Variants in ZPBP2 observed in about 807,000 individuals in gnomAD.
The protein encoded by ZPBP2 is zona pellucida binding protein 2.
Under a neutral mutation model 37.5 loss-of-function variants are expected in ZPBP2, and 34 were observed. That is an observed-to-expected ratio of 0.91 (90% CI 0.69 to 1.21). ZPBP2 has a LOEUF of 1.21. Ranked by LOEUF, ZPBP2 falls within the 50% of genes most tolerant of loss-of-function variation. The pLI is 0.00. For synonymous variants in ZPBP2, 143 were observed against 138.4 expected, an observed-to-expected ratio of 1.03 and a Z score of -0.23; for missense variants, 397 against 413.5, an observed-to-expected ratio of 0.96 and a Z score of 0.35.
At chr17:39,876,548 T>C in intron 7 of ZPBP2, 134 bp from the exon 8 acceptor site, 1 of 919,732 alleles carries the variant, frequency 1.1e-6, no homozygotes. Flanking sequence ...GGCTGAACAT[T>C]ACCTGGTATA....
intron 6 of ZPBP2, 22 bp from the exon 7 acceptor site, chr17:39,875,232 C>T: frequency 1.2e-6 from 2 of 1,600,486 alleles, no homozygotes; most frequent in Non-Finnish European, 1.7e-6. Context: ...TTGTACCTTT[C>T]TCTGGTATTT....
At position 39,868,400 on chromosome 17, in the gene ZPBP2, A is replaced by T. The variant is rs1386218553; in HGVS notation, c.46A>T (p.Thr16Ser). 3.1e-6 allele frequency: 5 copies of T among 1,610,768 alleles called. No individual in the cohort carries two copies. Among genetic ancestry groups the T allele is most frequent in the Non-Finnish European group, 3.4e-6 (4 of 1,179,936 alleles). Residue 16 changes from threonine (T) to serine (S), a missense_variant, in exon 1 of 8, where the codon ACA (threonine) becomes TCA (serine). By Grantham distance (58) the Thr-to-Ser change is moderately conservative (BLOSUM62 1). Coordinates refer to ENST00000348931, the MANE Select transcript of ZPBP2 (RefSeq NM_199321.3). ...VLLSAVLWCLTGVQCPRFTLF... is the reference protein window; with the variant it reads ...VLLSAVLWCLSGVQCPRFTLF... ...ACTCTCCGCGGTGCTCTGGTGCCTC[A>T]CAGGAGGTGGGGCTCCCTCCACCCG...
At chr17:39,872,788 TAGTAAA>T (rs2063371302) in intron 5 of ZPBP2, among the ~76,000 whole-genome samples, 1 of 152,240 alleles carries the variant, frequency 6.6e-6, no homozygotes, top group African/African-American at 2.4e-5. Context: ...TTTGAAAACT[TAGTAAA>T]AGTGAATAAT....
At chr17:39,869,801 C>T (rs1183778328) in intron 2 of ZPBP2, among the ~76,000 whole-genome samples, 4 of 148,168 alleles carry the variant, frequency 2.7e-5, no homozygotes, top group Non-Finnish European at 6.0e-5. Flanking sequence ...CAACCTCCGC[C>T]TCCTGGATTC....
At chr17:39,874,326 T>C (rs1373370282) in intron 6 of ZPBP2, among the ~76,000 whole-genome samples, 1 of 151,612 alleles carries the variant, frequency 6.6e-6, no homozygotes, top group Non-Finnish European at 1.5e-5. Flanking sequence ...TGCTTGGCTC[T>C]TTTTCTTTGA....
At chr17:39,868,495 C>T in intron 1 of ZPBP2, 54 bp from the exon 2 acceptor site, 1 of 1,613,802 alleles carries the variant, frequency 6.2e-7, no homozygotes, top group Non-Finnish European at 8.5e-7. Flanking sequence ...CCCTGCCCGA[C>T]TCTGAACCCT....
intron 2 of ZPBP2, among the ~76,000 whole-genome samples, chr17:39,869,483 G>T (rs2063351947): frequency 6.9e-6 from 1 of 145,572 alleles, no homozygotes; most frequent in African/African-American, 2.6e-5. Context: ...TGGCTCACTG[G>T]AACCTCCGCC....
rs755081261 is a variant in ZPBP2 at position 39,875,403 on chromosome 17, A to G, written c.858A>G (p.Glu286=). ...GTCGACCAGGCTTTGGAAAAAATGA[A>G]CGTCTACACAGTAATTGCGCTAGCT... The part of the protein sequence containing the change: ...DSCRPGFGKN[E]RLHSNCASCC... The change falls in exon 7 of 8, where the codon GAA becomes GAG. Residue 286 remains glutamate (E), a synonymous_variant. Coordinates refer to ENST00000348931, the MANE Select transcript of ZPBP2 (RefSeq NM_199321.3). 2.5e-6 allele frequency: 4 copies of G among 1,612,598 alleles called. No homozygotes were observed. The highest frequency in any genetic ancestry group is 2.5e-6 in the Non-Finnish European group (3 of 1,179,586).
At chr17:39,875,918 A>C (rs1183911966) in intron 7 of ZPBP2, among the ~76,000 whole-genome samples, 1 of 55,190 alleles carries the variant, frequency 1.8e-5, no homozygotes, top group Non-Finnish European at 3.5e-5. Flanking sequence ...TTTTTTTGAG[A>C]TGGAGTCTGG....
intron 4 of ZPBP2, 79 bp from the exon 5 acceptor site, chr17:39,872,191 G>A (rs887408859): frequency 1.8e-6 from 2 of 1,086,648 alleles, no homozygotes; most frequent in African/African-American, 3.2e-5. Context: ...GTATTACATA[G>A]TATTTGAAAA....
Position 39,870,737 on chromosome 17 carries a change from C to T in ZPBP2, c.162C>T (p.Ile54=). The change falls in exon 3 of 8, where the codon ATC becomes ATT. Residue 54 remains isoleucine (I), a synonymous_variant. Coordinates refer to ENST00000348931, the MANE Select transcript of ZPBP2 (RefSeq NM_199321.3). ...VELHQNSPVL[I]CMDFKLSKKE... ...TACATCAAAATAGTCCAGTCCTTAT[C>T]TGTATGGATTTTAAGCTTTCTAAAA... The T allele has an allele frequency of 1.3e-6, 2 of 1,554,418 alleles. No homozygotes were observed. Among genetic ancestry groups the T allele is most frequent in the Non-Finnish European group, 1.8e-6 (2 of 1,138,960 alleles).
At position 39,872,411 on chromosome 17, in the gene ZPBP2, T is replaced by C. The variant is rs1395189877; in HGVS notation, c.548T>C (p.Ile183Thr). ...ATTTCTGATTTGTCATGCCATGTCATAGAGCCATCATATAAATGCCATTCT... is the reference window on the plus strand; with the variant it reads ...ATTTCTGATTTGTCATGCCATGTCACAGAGCCATCATATAAATGCCATTCT... ...SLISDLSCHVIEPSYKCHSVE... is the reference protein window; with the variant it reads ...SLISDLSCHVTEPSYKCHSVE... The change falls in exon 5 of 8, where the codon ATA (isoleucine) becomes ACA (threonine). Residue 183 changes from isoleucine (I) to threonine (T), a missense_variant. By Grantham distance (89) the Ile-to-Thr change is moderately conservative (BLOSUM62 -1). Coordinates refer to ENST00000348931, the MANE Select transcript of ZPBP2 (RefSeq NM_199321.3). The C allele has an allele frequency of 6.2e-7, 1 of 1,613,572 alleles. No individual in the cohort carries two copies. Among genetic ancestry groups the C allele is most frequent in the South Asian group, 1.1e-5 (1 of 91,060 alleles).
chr17:39,877,646 T>A lies in ZPBP2; in HGVS notation c.*837T>A, dbSNP rs367573746. On this transcript the variant is annotated 3_prime_UTR_variant, in exon 8 of 8. Coordinates refer to ENST00000348931, the MANE Select transcript of ZPBP2 (RefSeq NM_199321.3). Reference sequence around the variant, plus strand: ...CTGATCTTTTTACTGTCTCTACAGTTTTGCCTTTTCCAAAATGTCATGTAG... The same window carrying A: ...CTGATCTTTTTACTGTCTCTACAGTATTGCCTTTTCCAAAATGTCATGTAG... 9 of 152,286 alleles carry A rather than the reference T, an allele frequency of 5.9e-5. No individual in the cohort carries two copies. The highest frequency in any genetic ancestry group is 2.2e-4 in the African/African-American group (9 of 41,558). 9.4% of individuals were successfully genotyped at this position (152,286 alleles called of 1,614,324 possible). A position where few individuals can be genotyped will look rare whatever the true frequency, so the allele number is the denominator to read the frequency against.
Position 39,871,542 on chromosome 17 carries a change from C to A in ZPBP2, c.323C>A (p.Thr108Lys). ...DFLEPLSGLY[T>K]CTLSYKTVKA... ...TTGGAGCCTTTGTCTGGACTTTACA[C>A]ATGTACTCTTTCTTATAAGACTGTT... Residue 108 changes from threonine (T) to lysine (K), a missense_variant, in exon 4 of 8, where the codon ACA becomes AAA. Transcript: ENST00000348931. The A allele has an allele frequency of 6.2e-7, 1 of 1,609,396 alleles. No homozygotes were observed. The highest frequency in any genetic ancestry group is 2.2e-5 in the East Asian group (1 of 44,634).
chr17:39,871,637 G>T lies in ZPBP2; in HGVS notation c.406+12G>T. The T allele has an allele frequency of 6.5e-7, 1 of 1,533,246 alleles. No homozygotes were observed. The highest frequency in any genetic ancestry group is 1.3e-5 in the South Asian group (1 of 76,270). 95.0% of individuals were successfully genotyped at this position (1,533,246 alleles called of 1,614,324 possible). A position where few individuals can be genotyped will look rare whatever the true frequency, so the allele number is the denominator to read the frequency against. On this transcript the variant is annotated intron_variant, in intron 4 of 7. Transcript: ENST00000348931. ...CTTTATGGTCTTTGGTAAGAATTTA[G>T]GCACATTTTAACTTATACATTTAGT...
chr17:39,868,597 G>GC lies in ZPBP2; in HGVS notation c.102dup (p.Lys35GlnfsTer16). On this transcript the variant is annotated frameshift_variant, in exon 2 of 8. Transcript: ENST00000348931. LOFTEE classifies it high-confidence loss of function. ...TTCAATAAGAAGGGCTTCATTTATG[G>GC]CAAGACAGGACAGCCAGGTAATAAG... 1 of 1,614,176 alleles carries GC rather than the reference G, an allele frequency of 6.2e-7. No individual in the cohort carries two copies.
intron 2 of ZPBP2, 49 bp from the exon 3 acceptor site, chr17:39,870,640 CTTAAT>C: frequency 2.8e-6 from 3 of 1,090,776 alleles, no homozygotes; most frequent in Non-Finnish European, 3.7e-6. Flanking sequence ...GAGTATATTT[CTTAAT>C]TTAATTTTGC....
intron 6 of ZPBP2, 81 bp downstream of exon 6, chr17:39,873,207 G>T: frequency 7.6e-7 from 1 of 1,308,246 alleles, no homozygotes; most frequent in South Asian, 1.4e-5. Context: ...GGAGTGCAGT[G>T]GTGCGACCAT....
intron 2 of ZPBP2, among the ~76,000 whole-genome samples, chr17:39,869,226 C>G (rs929038152): frequency 5.3e-5 from 8 of 152,072 alleles, no homozygotes; most frequent in African/African-American, 1.4e-4. Flanking sequence ...TGCAGTGATT[C>G]CAAGCATACC....
Sources: allele counts gnomAD v4.1 joint callset (sites outside exome capture counted in the v4.1 genomes callset), GRCh38; gene constraint gnomAD v4.1.1; transcripts MANE v1.5; gene names NCBI Gene and HGNC (gene_info 2026-07-23, HGNC 2026-07-21).